The following MYL6 variants were observed in gnomAD, a reference collection of about 807,000 sequenced individuals.
MYL6 encodes myosin light polypeptide 6.
A neutral mutation model predicts 20.3 loss-of-function variants in MYL6; 20 were observed. That is an observed-to-expected ratio of 0.98 (90% CI 0.69 to 1.43). The LOEUF is 1.43. Ranked by LOEUF, MYL6 falls within the 40% of genes most tolerant of loss-of-function variation. The pLI is 0.00. For synonymous variants in MYL6, 77 were observed against 72.4 expected (o/e 1.06, Z -0.32); for missense variants, 164 against 191.0 (o/e 0.86, Z 0.83).
chr12:56,158,656 G>A, intron 1 of MYL6, 28 bp from the exon 2 acceptor site: 1 of 1,614,082 alleles, frequency 6.2e-7, no homozygotes, highest in Non-Finnish European at 8.5e-7. Flanking sequence ...GCGTTCAGAT[G>A]CTGACCACTT....
chr12:56,159,598 G>T lies in MYL6; in HGVS notation c.43G>T (p.Ala15Ser). ...ATCTGAATCCTCAGAGTTCAAGGAG[G>T]CCTTCCAGCTGTTTGACCGAACAGG... Reference protein sequence around the residue: ...TEDQTAEFKEAFQLFDRTGDG... With the variant: ...TEDQTAEFKESFQLFDRTGDG... Residue 15 changes from alanine to serine, a missense_variant, in exon 3 of 7, where the codon GCC (alanine) becomes TCC (serine). Physicochemically the swap from Ala to Ser is moderately conservative, Grantham distance 99 (BLOSUM62 1). Transcript: ENST00000550697. The T allele has an allele frequency of 6.2e-7, 1 of 1,613,484 alleles. No homozygotes were observed. The highest frequency in any genetic ancestry group is 8.5e-7 in the Non-Finnish European group (1 of 1,179,864).
rs532800477 is a variant in MYL6 at position 56,158,954 on chromosome 12, C to G, written c.31+243C>G. 4.6e-5 allele frequency: 65 copies of G among 1,400,840 alleles called. No homozygotes were observed. In the African/African-American group the frequency reaches 9.1e-4, roughly 20 times the overall value. The allele number at this position is 1,400,840 out of a possible 1,614,324, so 86.8% of individuals were successfully genotyped here. A position where few individuals can be genotyped will look rare whatever the true frequency, so the allele number is the denominator to read the frequency against. ...TAGGTGGTGTGGGTATGTGAAAAAA[C>G]TTGGTCACTTAATGCCTGCTGTGTG... On this transcript the variant is annotated intron_variant, in intron 2 of 6. Coordinates refer to ENST00000550697, the MANE Select transcript of MYL6 (RefSeq NM_021019.5).
intron 6 of MYL6, 164 bp from the exon 7 acceptor site, chr12:56,161,223 G>C (rs1046679286): frequency 5.3e-6 from 4 of 753,890 alleles, no homozygotes; most frequent in African/African-American, 5.1e-5. Flanking sequence ...GGGGCATGGA[G>C]AACTGGTCAG....
At chr12:56,160,910 G>A (rs141977638) in intron 6 of MYL6, 2 of 593,312 alleles carry the variant, frequency 3.4e-6, no homozygotes, top group Non-Finnish European at 6.0e-6. Flanking sequence ...CTGGGTGCTG[G>A]TGTCTGGGAA....
chr12:56,158,543 TG>T (rs769757810), intron 1 of MYL6, 139 bp downstream of exon 1: 1 of 1,612,258 alleles, frequency 6.2e-7, no homozygotes, highest in South Asian at 1.1e-5. Flanking sequence ...TTGGAAAGAC[TG>T]GGGCCCTGCG....
chr12:56,161,132 A>G, intron 6 of MYL6: 1 of 600,724 alleles, frequency 1.7e-6, no homozygotes, highest in South Asian at 2.0e-5. Flanking sequence ...CTGTAGGTGT[A>G]GTGGAGAACT....
Position 56,160,058 on chromosome 12 carries a change from G to A in MYL6, c.259G>A (p.Glu87Lys), listed in dbSNP as rs1244336144. ...CAAGAACAAGGACCAGGGCACCTAT[G>A]AGGATTATGTCGAAGGACTTCGGGT... ...VAKNKDQGTY[E>K]DYVEGLRVFD... The change falls in exon 4 of 7, where the codon GAG (glutamate) becomes AAG (lysine). Residue 87 changes from glutamate (E) to lysine (K), a missense_variant. Physicochemically the swap from Glu to Lys is moderately conservative, Grantham distance 56. Transcript: ENST00000550697. 1 of 1,614,210 alleles carries A rather than the reference G, an allele frequency of 6.2e-7. No individual in the cohort carries two copies. The highest frequency in any genetic ancestry group is 8.5e-7 in the Non-Finnish European group (1 of 1,180,050).
intron 5 of MYL6, 103 bp from the exon 6 acceptor site, chr12:56,160,523 A>G (rs1163240646): frequency 7.0e-7 from 1 of 1,430,672 alleles, no homozygotes; most frequent in Non-Finnish European, 9.9e-7. Flanking sequence ...AGAGGGTGGG[A>G]AGGAATGAGA....
chr12:56,160,036 G>A lies in MYL6; in HGVS notation c.237G>A (p.Lys79=). The A allele has an allele frequency of 6.2e-7, 1 of 1,614,198 alleles. No individual in the cohort carries two copies. The highest frequency in any genetic ancestry group is 1.1e-5 in the South Asian group (1 of 91,080). The part of the protein sequence containing the change: ...HFLPMLQTVA[K]NKDQGTYEDY... ...TGCCCATGCTGCAGACAGTGGCCAA[G>A]AACAAGGACCAGGGCACCTATGAGG... Residue 79 remains lysine (K), a synonymous_variant, in exon 4 of 7, where the codon AAG becomes AAA. Transcript: ENST00000550697.
intron 2 of MYL6, chr12:56,159,325 A>C (rs1592260140): frequency 2.2e-6 from 1 of 447,220 alleles, no homozygotes; most frequent in East Asian, 4.0e-5. Context: ...TAGTAGCAGC[A>C]GTGGAGATTG....
At chr12:56,158,469 G>A in intron 1 of MYL6, 65 bp downstream of exon 1, 1 of 1,564,622 alleles carries the variant, frequency 6.4e-7, no homozygotes, top group South Asian at 1.2e-5. Context: ...ACGGGTGGGG[G>A]GCGAGGAGAA....
intron 2 of MYL6, 177 bp downstream of exon 2, chr12:56,158,888 C>T: frequency 6.9e-7 from 1 of 1,451,390 alleles, no homozygotes; most frequent in Non-Finnish European, 9.0e-7. Flanking sequence ...TTCCTCCCTC[C>T]CCTTCCACTC....
chr12:56,161,186 G>T, intron 6 of MYL6: 1 of 640,456 alleles, frequency 1.6e-6, no homozygotes, highest in South Asian at 1.8e-5. Context: ...TTGGGTGGGG[G>T]ACTAACAGCT....
intron 6 of MYL6, 188 bp downstream of exon 6, chr12:56,160,858 C>T: frequency 1.6e-6 from 1 of 644,188 alleles, no homozygotes; most frequent in South Asian, 1.9e-5. Context: ...TACAGTACCT[C>T]CTTACCTCTA....
At chr12:56,158,463 G>A (rs771823762) in intron 1 of MYL6, 59 bp downstream of exon 1, 218 of 1,563,090 alleles carry the variant, frequency 1.4e-4, no homozygotes, top group Non-Finnish European at 2.5e-5. Context: ...GAAGAGACGG[G>A]TGGGGGGCGA....
intron 4 of MYL6, 32 bp downstream of exon 4, chr12:56,160,180 G>A: frequency 6.2e-7 from 1 of 1,613,820 alleles, no homozygotes; most frequent in Non-Finnish European, 8.5e-7. Context: ...CTTGAGCTGA[G>A]ATGGCACCCT....
intron 6 of MYL6, 65 bp from the exon 7 acceptor site, chr12:56,161,322 C>G (rs961902572): frequency 7.5e-6 from 12 of 1,595,652 alleles, no homozygotes; most frequent in Non-Finnish European, 1.0e-5. Flanking sequence ...CTGGTAGTCC[C>G]CTGGCCCTTG....
intron 2 of MYL6, chr12:56,159,217 G>A (rs1036879146): frequency 1.1e-5 from 3 of 282,342 alleles, no homozygotes; most frequent in African/African-American, 6.6e-5. Context: ...GGTGCGAAGT[G>A]GCAGGTTGGG....
chr12:56,159,938 C>G (rs76775008), intron 3 of MYL6, 37 bp from the exon 4 acceptor site: 121 of 1,584,314 alleles, frequency 7.6e-5, no homozygotes, highest in Non-Finnish European at 9.9e-5. Context: ...ACTTGTGTTA[C>G]TTCTCTGGCC....
Sources: gnomAD v4.1 joint callset for allele counts on GRCh38, gnomAD v4.1.1 for gene constraint, MANE v1.5 for transcripts, NCBI Gene and HGNC (gene_info 2026-07-23, HGNC 2026-07-21) for gene names.